The following CDH4 variants were observed in gnomAD, a reference collection of about 807,000 sequenced individuals.
CDH4 encodes the protein cadherin 4, also known as cadherin-4.
A neutral mutation model predicts 86.0 loss-of-function variants in CDH4; 33 were observed. The ratio of observed to expected loss-of-function variants is 0.38; its 90% CI spans 0.29 to 0.51. CDH4 has a LOEUF of 0.51. Among genes scored for constraint, CDH4 ranks in the 20% least tolerant of loss-of-function variants. CDH4 has a pLI of 0.86. For missense variants in CDH4, 1,114 were observed against 1,307.4 expected (o/e 0.85, Z 2.28); for synonymous variants, 555 against 549.4 (o/e 1.01, Z -0.14).
chr20:61,280,562 G>C (rs2084253302), intron 2 of CDH4, among the ~76,000 whole-genome samples: 1 of 152,250 alleles, frequency 6.6e-6, no homozygotes. Context: ...TAGAAAGCCA[G>C]GGTTTCACGG....
intron 2 of CDH4, among the ~76,000 whole-genome samples, chr20:61,580,337 C>T (rs2086416027): frequency 6.6e-6 from 1 of 152,130 alleles, no homozygotes; most frequent in Non-Finnish European, 1.5e-5. Flanking sequence ...TGCCTGCAAT[C>T]CCAGCTACTA....
At chr20:61,729,571 C>T (rs1392417748) in intron 2 of CDH4, among the ~76,000 whole-genome samples, 1 of 152,218 alleles carries the variant, frequency 6.6e-6, no homozygotes, top group Non-Finnish European at 1.5e-5. Context: ...TTGCTGAGGT[C>T]CTTTGAGGAG....
At position 61,320,954 on chromosome 20, in the gene CDH4, C is replaced by T. The variant is rs192908878; in HGVS notation, c.169+66017C>T. On this transcript the variant is annotated intron_variant, in intron 2 of 15. Coordinates refer to ENST00000614565, the MANE Select transcript of CDH4 (RefSeq NM_001794.5). ...AGCCAGGGGAGCTCCTCTTCCTGCC[C>T]CTGCTGTGGGGAAGTGTCCCAGGTC... Among the ~76,000 whole-genome samples the T allele has an allele frequency of 5.3e-5, 8 of 152,196 alleles. No individual in the cohort carries two copies. In the East Asian group the frequency reaches 1.6e-3, roughly 30 times the overall value.
chr20:61,791,396 A>C (rs1171604800), intron 4 of CDH4, among the ~76,000 whole-genome samples: 1 of 152,248 alleles, frequency 6.6e-6, no homozygotes, highest in East Asian at 1.9e-4. Context: ...GTGTTCACCC[A>C]GATTTCTCCT....
At chr20:61,571,304 A>G (rs888152891) in intron 2 of CDH4, among the ~76,000 whole-genome samples, 1 of 152,114 alleles carries the variant, frequency 6.6e-6, no homozygotes, top group African/African-American at 2.4e-5. Flanking sequence ...ATCCTCAGGC[A>G]CACTCAGGTG....
intron 2 of CDH4, among the ~76,000 whole-genome samples, chr20:61,337,260 A>T: frequency 1.3e-3 from 1 of 782 alleles, no homozygotes; most frequent in Non-Finnish European, 4.1e-3. Context: ...GATGATGGTG[A>T]TGGTGATGGT....
chr20:61,910,747 C>A, intron 9 of CDH4, 140 bp downstream of exon 9: 1 of 752,690 alleles, frequency 1.3e-6, no homozygotes, highest in Non-Finnish European at 2.2e-6. Flanking sequence ...GTAACCCAAC[C>A]TGCTGGAGGC....
At chr20:61,371,048 A>G (rs1310996497) in intron 2 of CDH4, among the ~76,000 whole-genome samples, 3 of 152,212 alleles carry the variant, frequency 2.0e-5, no homozygotes, top group East Asian at 1.9e-4. Flanking sequence ...ATTTGGGAGC[A>G]TGCCTACTTT....
At chr20:61,564,878 G>C (rs991359479) in intron 2 of CDH4, among the ~76,000 whole-genome samples, 1 of 152,174 alleles carries the variant, frequency 6.6e-6, no homozygotes, top group Non-Finnish European at 1.5e-5. Context: ...CGGGAGCATA[G>C]GGAGTTGTAA....
In CDH4 at chr20:61,845,018, A is replaced by T. The variant is rs900705755; in HGVS notation, c.732+195A>T. On this transcript the variant is annotated intron_variant, in intron 5 of 15. Transcript: ENST00000614565. ...GGCACTGTCCCCCGTCTAATTCAGCAGGGTGGGCCCAGGGTGGGCCTGGGA... is the reference window on the plus strand; with the variant it reads ...GGCACTGTCCCCCGTCTAATTCAGCTGGGTGGGCCCAGGGTGGGCCTGGGA... Among the ~76,000 whole-genome samples, 34 of 152,246 alleles carry T rather than the reference A, an allele frequency of 2.2e-4. 1 individual carries two copies. Among genetic ancestry groups the T allele is most frequent in the Non-Finnish European group, 1.5e-5 (1 of 68,036 alleles).
intron 2 of CDH4, among the ~76,000 whole-genome samples, chr20:61,308,571 G>A (rs988696275): frequency 2.0e-5 from 3 of 152,222 alleles, no homozygotes; most frequent in Non-Finnish European, 2.9e-5. Flanking sequence ...CTGCTTTTCT[G>A]CCTTGGCATA....
In CDH4 at chr20:61,510,195, C is replaced by G. The variant is rs1010898796; in HGVS notation, c.170-233368C>G. 7.9e-5 allele frequency among the ~76,000 whole-genome samples: 12 copies of G among 152,144 alleles called. No individual in the cohort carries two copies. Among genetic ancestry groups the G allele is most frequent in the African/African-American group, 2.9e-4 (12 of 41,424 alleles). Reference sequence around the variant, plus strand: ...GGAAATTTAGTGATTTGCAATATGCCAGCATCTATGCGCTCAGCACTCCCG... The same window carrying G: ...GGAAATTTAGTGATTTGCAATATGCGAGCATCTATGCGCTCAGCACTCCCG... On this transcript the variant is annotated intron_variant, in intron 2 of 15. Coordinates refer to ENST00000614565, the MANE Select transcript of CDH4 (RefSeq NM_001794.5). This position sits in a 1 kb window ranked among gnomAD's most constrained non-coding sequence, Gnocchi z 4.2.
intron 4 of CDH4, among the ~76,000 whole-genome samples, chr20:61,802,508 A>ATTCC (rs1979880767): frequency 6.6e-6 from 1 of 152,136 alleles, no homozygotes; most frequent in South Asian, 2.1e-4. Context: ...AAAGAAAGGA[A>ATTCC]TTTCTCTGCA....
At chr20:61,398,032 C>G (rs943186158) in intron 2 of CDH4, among the ~76,000 whole-genome samples, 1 of 152,194 alleles carries the variant, frequency 6.6e-6, no homozygotes, top group Non-Finnish European at 1.5e-5. Context: ...CAAGCTTCAC[C>G]TGCGTGTCCT....
chr20:61,903,180 A>G (rs932695667), intron 8 of CDH4, among the ~76,000 whole-genome samples: 1 of 152,222 alleles, frequency 6.6e-6, no homozygotes, highest in African/African-American at 2.4e-5. Flanking sequence ...TCCCTATGCC[A>G]GGGTACAGGA....
rs544100221 is a variant in CDH4 at position 61,424,115 on chromosome 20, T to C, written c.169+169178T>C. Among the ~76,000 whole-genome samples, 16 of 148,978 alleles carry C rather than the reference T, an allele frequency of 1.1e-4. 1 individual carries two copies. In the South Asian group the frequency reaches 2.8e-3, roughly 26 times the overall value. On this transcript the variant is annotated intron_variant, in intron 2 of 15. Transcript: ENST00000614565. ...ACACGTATACACACATATACACACA[T>C]AGCACACATGTATCCACACACAGCA...
intron 2 of CDH4, among the ~76,000 whole-genome samples, chr20:61,528,660 A>C (rs6061598): frequency 0.15 from 22,304 of 152,052 alleles, 2,058 homozygotes; most frequent in African/African-American, 0.26. Flanking sequence ...GGAAATGCAA[A>C]GTCCCCAGAG....
chr20:61,804,596 C>G (rs1214022857), intron 4 of CDH4, among the ~76,000 whole-genome samples: 4 of 152,242 alleles, frequency 2.6e-5, no homozygotes, highest in African/African-American at 9.6e-5. Flanking sequence ...CTGAGCATCC[C>G]TCCTGTCTCC....
At chr20:61,819,840 G>A (rs1369755069) in intron 4 of CDH4, among the ~76,000 whole-genome samples, 1 of 152,184 alleles carries the variant, frequency 6.6e-6, no homozygotes, top group Non-Finnish European at 1.5e-5. Flanking sequence ...AGGGGGCCTG[G>A]TGGTTATTTA....
Sources: allele counts gnomAD v4.1 joint callset (sites outside exome capture counted in the v4.1 genomes callset), GRCh38; gene constraint gnomAD v4.1.1; non-coding constraint Gnocchi (gnomAD v3.1); transcripts MANE v1.5; gene names NCBI Gene and HGNC (gene_info 2026-07-23, HGNC 2026-07-21).